RNF180: variants seen among roughly 807,000 people sequenced by gnomAD.
The protein encoded by RNF180 is E3 ubiquitin-protein ligase RNF180.
RNF180 carries 38 observed loss-of-function variants against 59.2 expected under a neutral mutation model. That is an observed-to-expected ratio of 0.64 (90% confidence interval 0.50 to 0.84). RNF180 has a LOEUF of 0.84. Among genes scored for constraint, RNF180 ranks in the 40% least tolerant of loss-of-function variants. The pLI is 0.00. For missense variants in RNF180, 705 were observed against 700.9 expected (o/e 1.01, Z -0.07); for synonymous variants, 262 against 240.3 (o/e 1.09, Z -0.84).
intron 5 of RNF180, among the ~76,000 whole-genome samples, chr5:64,261,268 AAG>A (rs1174792780): frequency 6.6e-6 from 1 of 152,132 alleles, no homozygotes; most frequent in Admixed American, 6.6e-5. Context: ...ATTCAGGAAA[AAG>A]AGATTATAAA....
intron 5 of RNF180, among the ~76,000 whole-genome samples, chr5:64,264,705 C>T (rs906778565): frequency 4.6e-5 from 7 of 152,122 alleles, no homozygotes; most frequent in African/African-American, 1.7e-4. Context: ...GTGCATATGT[C>T]TCTATAGTAG....
chr5:64,273,493 A>C (rs1289603653), intron 5 of RNF180, among the ~76,000 whole-genome samples: 1 of 152,036 alleles, frequency 6.6e-6, no homozygotes, highest in Non-Finnish European at 1.5e-5. Flanking sequence ...AAGGATAAAC[A>C]AAGACATACT....
chr5:64,365,998 G>T (rs1358467472), intron 7 of RNF180, among the ~76,000 whole-genome samples: 2 of 150,542 alleles, frequency 1.3e-5, no homozygotes, highest in African/African-American at 4.9e-5. Flanking sequence ...GATATATGTG[G>T]ATTTGATCCT....
At chr5:64,321,164 C>A (rs1433690272) in intron 5 of RNF180, among the ~76,000 whole-genome samples, 1 of 152,048 alleles carries the variant, frequency 6.6e-6, no homozygotes, top group Non-Finnish European at 1.5e-5. Flanking sequence ...GAAGTTCTGG[C>A]CAGGGCAATC....
At chr5:64,189,899 A>T (rs1751050963) in intron 1 of RNF180, among the ~76,000 whole-genome samples, 1 of 152,206 alleles carries the variant, frequency 6.6e-6, no homozygotes, top group Non-Finnish European at 1.5e-5. Context: ...ATTCTACAGA[A>T]AAGGACCATA....
chr5:64,302,378 G>A (rs1003464090), intron 5 of RNF180, among the ~76,000 whole-genome samples: 4 of 151,402 alleles, frequency 2.6e-5, no homozygotes, highest in Non-Finnish European at 4.4e-5. Context: ...TATATCCCTA[G>A]TCCATTGTCT....
At chr5:64,221,940 A>G (rs924923855) in intron 5 of RNF180, among the ~76,000 whole-genome samples, 1 of 152,208 alleles carries the variant, frequency 6.6e-6, no homozygotes, top group South Asian at 2.1e-4. Flanking sequence ...TACATTATTA[A>G]TAGTATTTAT....
chr5:64,312,052 G>A (rs1340505118), intron 5 of RNF180, among the ~76,000 whole-genome samples: 1 of 151,950 alleles, frequency 6.6e-6, no homozygotes, highest in African/African-American at 2.4e-5. Flanking sequence ...AAGCTGCTAG[G>A]CATTAGGAGA....
intron 1 of RNF180, among the ~76,000 whole-genome samples, chr5:64,175,250 AGCCACTGT>A (rs1211162706): frequency 2.0e-5 from 3 of 152,148 alleles, no homozygotes; most frequent in African/African-American, 7.2e-5. Flanking sequence ...TACAGGCATG[AGCCACTGT>A]GCCTCGCCAA....
Position 64,360,043 on chromosome 5 carries a change from T to C in RNF180, c.1580-9572T>C, listed in dbSNP as rs111645017. 2.6e-5 allele frequency among the ~76,000 whole-genome samples: 4 copies of C among 152,150 alleles called. 1 individual carries two copies. Among genetic ancestry groups the C allele is most frequent in the African/African-American group, 9.6e-5 (4 of 41,542 alleles). On this transcript the variant is annotated intron_variant, in intron 7 of 7. Coordinates refer to ENST00000389100, the MANE Select transcript of RNF180 (RefSeq NM_001113561.2). ...GTGCTGTTTTGGTTACTTAGCCTTG[T>C]AGTAAAGTTTGAAGTCAGGTAGTGT...
At chr5:64,218,266 T>G (rs1378758551) in intron 5 of RNF180, among the ~76,000 whole-genome samples, 2 of 152,188 alleles carry the variant, frequency 1.3e-5, no homozygotes, top group African/African-American at 4.8e-5. Context: ...TTACATAAAA[T>G]TGAGAATTAG....
At chr5:64,195,855 C>T (rs1751428797) in intron 1 of RNF180, among the ~76,000 whole-genome samples, 1 of 152,190 alleles carries the variant, frequency 6.6e-6, no homozygotes, top group Admixed American at 6.5e-5. Flanking sequence ...ACCATTCCAT[C>T]ACAGGGTACA....
intron 5 of RNF180, among the ~76,000 whole-genome samples, chr5:64,249,785 A>T (rs1388970487): frequency 6.6e-6 from 1 of 152,202 alleles, no homozygotes; most frequent in South Asian, 2.1e-4. Context: ...ATAGTTGTAC[A>T]TATATATGCA....
At chr5:64,353,510 C>A (rs1006726226) in intron 7 of RNF180, among the ~76,000 whole-genome samples, 1 of 151,400 alleles carries the variant, frequency 6.6e-6, no homozygotes, top group African/African-American at 2.4e-5. Context: ...ATTCTGGAAA[C>A]AAAATAAGAA....
chr5:64,253,670 A>G lies in RNF180; in HGVS notation c.1227+36274A>G, dbSNP rs1580118284. Among the ~76,000 whole-genome samples the G allele has an allele frequency of 2.0e-5, 3 of 152,178 alleles. No homozygotes were observed. The South Asian group carries it at 6.2e-4, about 31-fold the overall frequency. Reference sequence around the variant, plus strand: ...TTTATGCACAGGCAAAACTGAAATCAGTAAGATGTTGACATAAATAATATA... The same window carrying G: ...TTTATGCACAGGCAAAACTGAAATCGGTAAGATGTTGACATAAATAATATA... On this transcript the variant is annotated intron_variant, in intron 5 of 7. Transcript: ENST00000389100.
Position 64,336,042 on chromosome 5 carries a change from G to C in RNF180, c.1579+5636G>C, listed in dbSNP as rs186978294. ...TCTTCTCTCCTTTTTTGAAACTTCA[G>C]TGCAGAAAAATTGTCCTAGTCACAC... On this transcript the variant is annotated intron_variant, in intron 7 of 7. Coordinates refer to ENST00000389100, the MANE Select transcript of RNF180 (RefSeq NM_001113561.2). Among the ~76,000 whole-genome samples the C allele has an allele frequency of 2.4e-4, 36 of 152,146 alleles. No homozygotes were observed. In the East Asian group the frequency reaches 5.8e-3, roughly 25 times the overall value.
rs116968965 is a variant in RNF180, at chr5:64,215,690, C to T, written c.1191+1173C>T. ...AAAATTCAAAATTTTCATTGAGACT[C>T]GAGCTATACATAGGTAAATTGGAAG... On this transcript the variant is annotated intron_variant, in intron 4 of 7. Transcript: ENST00000389100. 8.6e-5 allele frequency among the ~76,000 whole-genome samples: 13 copies of T among 151,966 alleles called. No homozygotes were observed. The East Asian group carries it at 2.5e-3, about 29-fold the overall frequency.
chr5:64,354,125 A>G (rs1745924987), intron 7 of RNF180, among the ~76,000 whole-genome samples: 1 of 151,712 alleles, frequency 6.6e-6, no homozygotes, highest in Non-Finnish European at 1.5e-5. Flanking sequence ...CATGATTAGA[A>G]TAGGGATTAA....
intron 7 of RNF180, among the ~76,000 whole-genome samples, chr5:64,355,536 G>A (rs543638780): frequency 4.6e-5 from 7 of 151,872 alleles, no homozygotes; most frequent in Non-Finnish European, 7.4e-5. Context: ...TTTCAACAGC[G>A]CTTTTATAGA....
Sources: gnomAD v4.1 joint callset for allele counts (sites outside exome capture counted in the v4.1 genomes callset) on GRCh38, gnomAD v4.1.1 for gene constraint, MANE v1.5 for transcripts, NCBI Gene and HGNC (gene_info 2026-07-23, HGNC 2026-07-21) for gene names.